Variants in ERN1 observed in about 807,000 individuals in gnomAD.
ERN1 encodes serine/threonine-protein kinase/endoribonuclease IRE1.
Under a neutral mutation model 113.1 loss-of-function variants are expected in ERN1, and 39 were observed. The observed-to-expected ratio is 0.34, with a 90% CI of 0.27 to 0.45. The LOEUF (loss-of-function observed/expected upper bound fraction) is 0.45. Among genes scored for constraint, ERN1 ranks in the 20% least tolerant of loss-of-function variants. The pLI is 1.00. For missense variants in ERN1, 976 were observed against 1,274.8 expected (o/e 0.77, Z 3.57); for synonymous variants, 507 against 515.9 (o/e 0.98, Z 0.23).
At position 64,098,398 on chromosome 17, in the gene ERN1, G is replaced by T; in HGVS notation, c.55-157C>A. ...GAGAGCCTAAATTCCCACTCAGTCA[G>T]GACTAGAACCCAGGTCACCTCACTC... On this transcript the variant is annotated intron_variant, in intron 1 of 21. Transcript: ENST00000433197. 11 of 918,008 alleles carry T rather than the reference G, an allele frequency of 1.2e-5. No homozygotes were observed. In the South Asian group the frequency reaches 1.4e-4, roughly 12 times the overall value. 56.9% of individuals were successfully genotyped at this position (918,008 alleles called of 1,614,324 possible).
chr17:64,079,593 T>C (rs1913703088), intron 4 of ERN1, 69 bp downstream of exon 4: 3 of 1,266,916 alleles, frequency 2.4e-6, no homozygotes, highest in African/African-American at 2.9e-5. Flanking sequence ...AGTAAGACAC[T>C]GTGCAGACAC....
chr17:64,044,315 G>T lies in ERN1; in HGVS notation c.2722-115C>A. The T allele has an allele frequency of 1.3e-6, 1 of 742,026 alleles. No individual in the cohort carries two copies. The allele number at this position is 742,026 out of a possible 1,614,324, so 46.0% of individuals were successfully genotyped here. On this transcript the variant is annotated intron_variant, in intron 21 of 21. Coordinates refer to ENST00000433197, the MANE Select transcript of ERN1 (RefSeq NM_001433.5). The surrounding 1 kb of genome is among the most constrained non-coding windows in gnomAD (Gnocchi z 4.1). ...AGACAGAATGTGAGTGTTGGTTTTT[G>T]GTAAAGAAAAAGAAAAAAGGCTTAT...
In ERN1 at chr17:64,054,662, C is replaced by A. The variant is rs1912797997; in HGVS notation, c.1763+76G>T. 8.0e-7 allele frequency: 1 copy of A among 1,248,402 alleles called. No individual in the cohort carries two copies. The highest frequency in any genetic ancestry group is 1.1e-6 in the Non-Finnish European group (1 of 884,408). The allele number at this position is 1,248,402 out of a possible 1,614,324, so 77.3% of individuals were successfully genotyped here. Reference sequence around the variant, plus strand: ...TGCTTTGACCCTGCTGTGCTCTGAGCCTGGCACCAGGCTCGCAACCTGACA... The same window carrying A: ...TGCTTTGACCCTGCTGTGCTCTGAGACTGGCACCAGGCTCGCAACCTGACA... On this transcript the variant is annotated intron_variant, in intron 14 of 21. Coordinates refer to ENST00000433197, the MANE Select transcript of ERN1 (RefSeq NM_001433.5). This position sits in a 1 kb window ranked among gnomAD's most constrained non-coding sequence, Gnocchi z 4.9.
At chr17:64,065,696 CA>C (rs1188677314) in intron 8 of ERN1, among the ~76,000 whole-genome samples, 1 of 152,166 alleles carries the variant, frequency 6.6e-6, no homozygotes, top group African/African-American at 2.4e-5. Flanking sequence ...GAACTACCCC[CA>C]TTCTGCCTTG....
chr17:64,069,711 A>G (rs1392565708), intron 6 of ERN1, among the ~76,000 whole-genome samples: 5 of 152,100 alleles, frequency 3.3e-5, no homozygotes, highest in South Asian at 4.1e-4. Context: ...TCACCACTGC[A>G]TGTTGGGTGG....
rs985791550 is a variant in ERN1, at chr17:64,049,921, C to T, written c.2254-719G>A. On this transcript the variant is annotated intron_variant, in intron 17 of 21. Transcript: ENST00000433197. The surrounding 1 kb of genome is among the most constrained non-coding windows in gnomAD (Gnocchi z 4.7). ...GGGTCCCTGTTAGTAGGCCCTGCCT[C>T]TGAGATTCTCCACCAGGTGAAGTGA... Among the ~76,000 whole-genome samples the T allele has an allele frequency of 4.6e-5, 7 of 152,158 alleles. No homozygotes were observed. The highest frequency in any genetic ancestry group is 1.4e-4 in the African/African-American group (6 of 41,430).
intron 1 of ERN1, among the ~76,000 whole-genome samples, chr17:64,109,699 AG>A (rs1661834429): frequency 6.6e-6 from 1 of 152,258 alleles, no homozygotes; most frequent in Non-Finnish European, 1.5e-5. Flanking sequence ...CTCATTTCAC[AG>A]GAAAAGAAAT....
chr17:64,095,254 C>T lies in ERN1; in HGVS notation c.175+2867G>A, dbSNP rs1397556449. ...GACCACCCTGGCCAACATGGTGAAA[C>T]TCCATCTCTACTGAAAATACAAAAA... On this transcript the variant is annotated intron_variant, in intron 2 of 21. Transcript: ENST00000433197. Among the ~76,000 whole-genome samples, 4 of 152,230 alleles carry T rather than the reference C, an allele frequency of 2.6e-5. No individual in the cohort carries two copies. In the East Asian group the frequency reaches 5.8e-4, roughly 22 times the overall value.
At chr17:64,079,763 T>C in intron 3 of ERN1, 29 bp from the exon 4 acceptor site, 1 of 1,573,422 alleles carries the variant, frequency 6.4e-7, no homozygotes, top group East Asian at 2.3e-5. Context: ...ATATCAAAGA[T>C]AAATTACAGC....
intron 1 of ERN1, among the ~76,000 whole-genome samples, chr17:64,124,237 C>T (rs1275263296): frequency 6.6e-6 from 1 of 152,216 alleles, no homozygotes; most frequent in African/African-American, 2.4e-5. Flanking sequence ...TATGACCCAA[C>T]AATCTCTTTC....
At chr17:64,055,607 C>T in intron 13 of ERN1, 68 bp downstream of exon 13, 1 of 1,403,876 alleles carries the variant, frequency 7.1e-7, no homozygotes, top group Non-Finnish European at 9.6e-7. Flanking sequence ...CTTATGGAGA[C>T]TCCTTGGACT....
intron 5 of ERN1, among the ~76,000 whole-genome samples, chr17:64,072,323 C>T (rs982488898): frequency 6.6e-6 from 1 of 152,226 alleles, no homozygotes; most frequent in Non-Finnish European, 1.5e-5. Context: ...ATACAAATTC[C>T]TCCAAACCCA....
intron 1 of ERN1, among the ~76,000 whole-genome samples, chr17:64,117,902 C>G (rs2143497598): frequency 6.6e-6 from 1 of 152,284 alleles, no homozygotes; most frequent in African/African-American, 2.4e-5. Context: ...GTAGAAGTTC[C>G]ATGAGGGCGG....
intron 1 of ERN1, among the ~76,000 whole-genome samples, chr17:64,117,144 A>T (rs79771254): frequency 0.053 from 7,901 of 149,674 alleles, 648 homozygotes; most frequent in African/African-American, 0.18. Context: ...AAAAATTTTT[A>T]AAAAAATCAA....
At chr17:64,053,139 C>A in intron 16 of ERN1, 133 bp downstream of exon 16, 1 of 899,424 alleles carries the variant, frequency 1.1e-6, no homozygotes, top group South Asian at 1.7e-5. Flanking sequence ...TCTTACACCA[C>A]TCATCTTTGC....
intron 1 of ERN1, among the ~76,000 whole-genome samples, chr17:64,099,591 C>G (rs1001425973): frequency 6.6e-6 from 1 of 151,924 alleles, no homozygotes; most frequent in Non-Finnish European, 1.5e-5. Flanking sequence ...GGCACAAATG[C>G]TATTTTTGAA....
chr17:64,119,948 G>C (rs1420093696), intron 1 of ERN1, among the ~76,000 whole-genome samples: 1 of 151,828 alleles, frequency 6.6e-6, no homozygotes, highest in Non-Finnish European at 1.5e-5. Flanking sequence ...GTAGAGATGG[G>C]GTCTTTCATT....
At position 64,058,447 on chromosome 17, in the gene ERN1, G is replaced by T. The variant is rs145349704; in HGVS notation, c.1207-454C>A. Among the ~76,000 whole-genome samples, 80 of 152,264 alleles carry T rather than the reference G, an allele frequency of 5.3e-4. No individual in the cohort carries two copies. In the East Asian group the frequency reaches 0.015, roughly 28 times the overall value. On this transcript the variant is annotated intron_variant, in intron 11 of 21. Transcript: ENST00000433197. ...GTATACAGAGGCACATGGCTAGAAAGCAATAAAGCAGTTTTCTCGTGTTGC... is the reference window on the plus strand; with the variant it reads ...GTATACAGAGGCACATGGCTAGAAATCAATAAAGCAGTTTTCTCGTGTTGC...
chr17:64,057,373 T>A (rs1912904874), intron 12 of ERN1, among the ~76,000 whole-genome samples: 1 of 143,044 alleles, frequency 7.0e-6, no homozygotes, highest in African/African-American at 2.6e-5. Context: ...TCTTTTTTTT[T>A]GAGATGGAGT....
Sources: allele counts gnomAD v4.1 joint callset (sites outside exome capture counted in the v4.1 genomes callset), GRCh38; gene constraint gnomAD v4.1.1; non-coding constraint Gnocchi (gnomAD v3.1); transcripts MANE v1.5; gene names NCBI Gene and HGNC (gene_info 2026-07-23, HGNC 2026-07-21).